Variants in MRPL3 observed in about 807,000 individuals in gnomAD.
The protein encoded by MRPL3 is large ribosomal subunit protein uL3m.
A neutral mutation model predicts 44.3 loss-of-function variants in MRPL3; 43 were observed. The observed-to-expected ratio is 0.97, with a 90% confidence interval of 0.76 to 1.25. The LOEUF (loss-of-function observed/expected upper bound fraction) is 1.25. MRPL3 is among the 50% of genes most tolerant of loss of function. The probability of loss-of-function intolerance (pLI) is 0.00; values close to 1 mark genes in which losing one functional copy is unlikely to be tolerated. For missense variants in MRPL3, 406 were observed against 427.6 expected, an observed-to-expected ratio of 0.95 and a Z score of 0.45; for synonymous variants, 171 against 152.3, an observed-to-expected ratio of 1.12 and a Z score of -0.91.
At chr3:131,479,656 T>C (rs1933932886) in intron 6 of MRPL3, among the ~76,000 whole-genome samples, 1 of 152,010 alleles carries the variant, frequency 6.6e-6, no homozygotes, top group Non-Finnish European at 1.5e-5. Context: ...CCATCCTGGA[T>C]AACACGGTGA....
At chr3:131,494,532 A>G (rs1224426804) in intron 4 of MRPL3, among the ~76,000 whole-genome samples, 4 of 152,194 alleles carry the variant, frequency 2.6e-5, no homozygotes, top group Admixed American at 2.0e-4. Context: ...CTTTTTAAGC[A>G]TATCTGGAAG....
intron 9 of MRPL3, 111 bp from the exon 10 acceptor site, chr3:131,462,986 T>C: frequency 1.2e-6 from 1 of 865,478 alleles, no homozygotes; most frequent in Non-Finnish European, 1.7e-6. Context: ...CTAATGTGAA[T>C]AACACAACTG....
intron 3 of MRPL3, among the ~76,000 whole-genome samples, chr3:131,499,726 T>C (rs1934451929): frequency 6.7e-6 from 1 of 148,654 alleles, no homozygotes; most frequent in South Asian, 2.1e-4. Flanking sequence ...ACCAGTATCT[T>C]TCTATAATAA....
chr3:131,483,093 G>A (rs1206454921), intron 6 of MRPL3, among the ~76,000 whole-genome samples: 2 of 150,874 alleles, frequency 1.3e-5, no homozygotes, highest in East Asian at 1.9e-4. Context: ...TCATACCTCA[G>A]CTTACTCACT....
intron 6 of MRPL3, among the ~76,000 whole-genome samples, chr3:131,477,320 C>T (rs530096094): frequency 6.4e-4 from 98 of 152,224 alleles, no homozygotes; most frequent in Middle Eastern, 6.8e-3. Context: ...CTTGAGAAGC[C>T]ACTGGATTCT....
chr3:131,502,610 T>C (rs1419936186), intron 1 of MRPL3, 120 bp downstream of exon 1: 10 of 766,094 alleles, frequency 1.3e-5, no homozygotes, highest in Non-Finnish European at 1.9e-5. Flanking sequence ...CTTATTCTTC[T>C]GTGTCCCACG....
intron 6 of MRPL3, among the ~76,000 whole-genome samples, chr3:131,486,939 A>C (rs1027476073): frequency 2.0e-5 from 3 of 152,184 alleles, no homozygotes; most frequent in Admixed American, 6.5e-5. Context: ...TTGACCCAGC[A>C]ATCCCATTAC....
intron 5 of MRPL3, 29 bp downstream of exon 5, chr3:131,489,952 C>G: frequency 1.4e-6 from 2 of 1,430,748 alleles, no homozygotes; most frequent in Non-Finnish European, 2.0e-6. Flanking sequence ...GGTATTTTTA[C>G]CTCCCTCCTC....
chr3:131,481,632 T>C (rs1448634118), intron 6 of MRPL3, among the ~76,000 whole-genome samples: 1 of 152,182 alleles, frequency 6.6e-6, no homozygotes, highest in Admixed American at 6.5e-5. Flanking sequence ...GCTTTGTAAA[T>C]AAGGAGGCAA....
chr3:131,499,025 G>C (rs964220332), intron 3 of MRPL3, among the ~76,000 whole-genome samples: 2 of 152,176 alleles, frequency 1.3e-5, no homozygotes, highest in Non-Finnish European at 2.9e-5. Flanking sequence ...ACTAAAGTTT[G>C]AGAAGCACTG....
At chr3:131,481,508 G>C (rs567625786) in intron 6 of MRPL3, among the ~76,000 whole-genome samples, 1 of 152,304 alleles carries the variant, frequency 6.6e-6, no homozygotes, top group South Asian at 2.1e-4. Context: ...GCAGCAAAGA[G>C]ATTAAGAAAG....
At chr3:131,501,299 C>T (rs916661746) in intron 2 of MRPL3, among the ~76,000 whole-genome samples, 1 of 152,150 alleles carries the variant, frequency 6.6e-6, no homozygotes, top group East Asian at 1.9e-4. Flanking sequence ...AATGATTCTC[C>T]CTTCACCTAT....
chr3:131,479,095 G>A, intron 6 of MRPL3: 1 of 501,006 alleles, frequency 2.0e-6, no homozygotes, highest in South Asian at 1.5e-5. Context: ...TTTTCTTCAG[G>A]GAAATGTTTA....
At chr3:131,470,167 A>G (rs1237731969) in intron 7 of MRPL3, among the ~76,000 whole-genome samples, 2 of 152,152 alleles carry the variant, frequency 1.3e-5, no homozygotes, top group East Asian at 3.8e-4. Flanking sequence ...CTTCATCCAT[A>G]CCACTGGTGC....
intron 5 of MRPL3, 66 bp from the exon 6 acceptor site, chr3:131,487,806 T>C (rs1934162959): frequency 7.7e-7 from 1 of 1,298,672 alleles, no homozygotes; most frequent in Non-Finnish European, 1.1e-6. Context: ...TTATTCAACA[T>C]AAACTATATC....
At chr3:131,463,699 C>T (rs1261601444) in intron 9 of MRPL3, among the ~76,000 whole-genome samples, 2 of 152,048 alleles carry the variant, frequency 1.3e-5, no homozygotes, top group African/African-American at 2.4e-5. Flanking sequence ...TCTATATATT[C>T]TCAAAAATTC....
intron 1 of MRPL3, 24 bp downstream of exon 1, chr3:131,502,706 T>C (rs761152013): frequency 2.5e-5 from 40 of 1,590,478 alleles, no homozygotes; most frequent in Middle Eastern, 1.7e-4. Context: ...ACTGTGCAGG[T>C]AGGACACCCT....
chr3:131,476,976 G>A (rs1933866862), intron 6 of MRPL3, among the ~76,000 whole-genome samples: 1 of 152,196 alleles, frequency 6.6e-6, no homozygotes, highest in South Asian at 2.1e-4. Flanking sequence ...AAGCTTAAAG[G>A]TATGGCTAAT....
chr3:131,468,982 T>C (rs1352860986), intron 8 of MRPL3, among the ~76,000 whole-genome samples: 1 of 152,084 alleles, frequency 6.6e-6, no homozygotes, highest in Non-Finnish European at 1.5e-5. Context: ...TCCTACACTT[T>C]AAAACATACA....
Sources: gnomAD v4.1 joint callset for allele counts (sites outside exome capture counted in the v4.1 genomes callset) on GRCh38, gnomAD v4.1.1 for gene constraint, MANE v1.5 for transcripts, NCBI Gene and HGNC (gene_info 2026-07-23, HGNC 2026-07-21) for gene names.